The following KIR2DL1 variants were observed in gnomAD, a reference collection of about 807,000 sequenced individuals.
KIR2DL1 encodes killer cell immunoglobulin like receptor, two Ig domains and long cytoplasmic tail 1.
A neutral mutation model predicts 33.9 loss-of-function variants in KIR2DL1; 38 were observed. The observed-to-expected ratio is 1.12, with a 90% CI of 0.86 to 1.47. KIR2DL1 has a LOEUF of 1.47. KIR2DL1 is among the 40% of genes most tolerant of loss of function. The pLI, the probability that KIR2DL1 is intolerant of heterozygous loss-of-function variation, is 0.00. For synonymous variants in KIR2DL1, 179 were observed against 165.9 expected (o/e 1.08, Z -0.61); for missense variants, 531 against 433.9 (o/e 1.22, Z -1.99).
Position 54,777,269 on chromosome 19 carries a change from T to G in KIR2DL1, c.665-1343T>G, listed in dbSNP as rs528299472. Among the ~76,000 whole-genome samples the G allele has an allele frequency of 2.2e-3, 330 of 149,016 alleles. 1 individual carries two copies. The highest frequency in any genetic ancestry group is 3.6e-3 in the Non-Finnish European group (237 of 66,662). On this transcript the variant is annotated intron_variant, in intron 4 of 7. Coordinates refer to ENST00000336077, the MANE Select transcript of KIR2DL1 (RefSeq NM_014218.3). ...CCACGCCCTACTAATTTTTGTATTT[T>G]TAGTAGAGACAGCGTTTCTCTATGT...
At position 54,783,793 on chromosome 19, in the gene KIR2DL1, A is replaced by G. The variant is rs1358374441; in HGVS notation, c.1027A>G (p.Lys343Glu). Residue 343 changes from lysine (K) to glutamate (E), a missense_variant, in exon 8 of 8, where the codon AAA becomes GAA. By Grantham distance (56) the Lys-to-Glu change is moderately conservative. Transcript: ENST00000336077. ...ACTTCCAAATGCTGAGTCCAGATCC[A>G]AAGTTGTCTCCTGCCCATGAGCACC... ...TELPNAESRS[K>E]VVSCP is the part of the protein sequence containing the mutation. 1.2e-5 allele frequency: 19 copies of G among 1,613,884 alleles called. No individual in the cohort carries two copies. Among genetic ancestry groups the G allele is most frequent in the Middle Eastern group, 1.6e-4 (1 of 6,084 alleles).
At chr19:54,777,919 G>T (rs1190968066) in intron 4 of KIR2DL1, among the ~76,000 whole-genome samples, 1 of 148,084 alleles carries the variant, frequency 6.8e-6, no homozygotes, top group African/African-American at 2.5e-5. Context: ...ACTGTTTATT[G>T]AAAAGACTGT....
rs1198410917 is a variant in KIR2DL1, at chr19:54,775,367, C to T, written c.573C>T (p.Thr191=). 1.3e-6 allele frequency: 2 copies of T among 1,583,220 alleles called. No homozygotes were observed. The highest frequency in any genetic ancestry group is 1.4e-5 in the African/African-American group (1 of 73,810). Residue 191 remains threonine (T), a synonymous_variant, in exon 4 of 8, where the codon ACC becomes ACT. Transcript: ENST00000336077. The part of the protein sequence containing the change: ...FQADFPLGPA[T]HGGTYRCFGS... Reference sequence around the variant, plus strand: ...CTGACTTTCCTCTGGGCCCTGCCACCCACGGAGGGACCTACAGATGCTTCG... The same window carrying T: ...CTGACTTTCCTCTGGGCCCTGCCACTCACGGAGGGACCTACAGATGCTTCG...
intron 2 of KIR2DL1, 71 bp downstream of exon 2, chr19:54,770,955 T>G: frequency 1.3e-6 from 2 of 1,549,238 alleles, no homozygotes; most frequent in South Asian, 2.2e-5. Context: ...GGGAGGGAAG[T>G]CCTGTCAGGG....
Position 54,774,530 on chromosome 19 carries a change from A to G in KIR2DL1, c.371-635A>G, listed in dbSNP as rs1360850586. 3.0e-4 allele frequency among the ~76,000 whole-genome samples: 44 copies of G among 148,496 alleles called. 2 individuals carry two copies. The highest frequency in any genetic ancestry group is 8.8e-4 in the African/African-American group (36 of 40,778). ...ATAGATGGATAGATATAGATAGATGATAAATAGGTAGATGATAGATAATAG... is the reference window on the plus strand; with the variant it reads ...ATAGATGGATAGATATAGATAGATGGTAAATAGGTAGATGATAGATAATAG... On this transcript the variant is annotated intron_variant, in intron 3 of 7. Transcript: ENST00000336077.
intron 5 of KIR2DL1, among the ~76,000 whole-genome samples, chr19:54,782,528 A>T (rs2077104071): frequency 6.6e-6 from 1 of 151,898 alleles, no homozygotes; most frequent in Non-Finnish European, 1.5e-5. Flanking sequence ...TGGAGCTTCC[A>T]AGCTCTTTTT....
At position 54,783,510 on chromosome 19, in the gene KIR2DL1, C is replaced by T; in HGVS notation, c.842C>T (p.Ser281Phe). The change falls in exon 7 of 8, where the codon TCT becomes TTT. Residue 281 changes from serine (S) to phenylalanine (F), a missense_variant. Coordinates refer to ENST00000336077, the MANE Select transcript of KIR2DL1 (RefSeq NM_014218.3). The part of the protein sequence containing the change: ...KKNAAVMDQE[S>F]AGNRTANSED... ...GATGCTGCGGTAATGGACCAAGAGT[C>T]TGCAGGAAACAGAACAGCGAATAGC... is the stretch of plus-strand genomic sequence containing the variant. 1 of 1,613,640 alleles carries T rather than the reference C, an allele frequency of 6.2e-7. No individual in the cohort carries two copies. The highest frequency in any genetic ancestry group is 8.5e-7 in the Non-Finnish European group (1 of 1,179,798).
chr19:54,783,877 T>C lies in KIR2DL1; in HGVS notation c.*64T>C. 1.2e-6 allele frequency: 2 copies of C among 1,609,006 alleles called. No individual in the cohort carries two copies. Among genetic ancestry groups the C allele is most frequent in the Non-Finnish European group, 1.7e-6 (2 of 1,175,554 alleles). Reference sequence around the variant, plus strand: ...CAACAGCCCTGTCTCAAAACCGGGTTGCCAGCTCCCATGTACCAGCAGCTG... The same window carrying C: ...CAACAGCCCTGTCTCAAAACCGGGTCGCCAGCTCCCATGTACCAGCAGCTG... On this transcript the variant is annotated 3_prime_UTR_variant, in exon 8 of 8. Transcript: ENST00000336077.
At chr19:54,769,911 G>T (rs1392917777) in intron 1 of KIR2DL1, 27 bp downstream of exon 1, 4 of 1,556,982 alleles carry the variant, frequency 2.6e-6, no homozygotes, top group Non-Finnish European at 3.5e-6. Flanking sequence ...AATAGAGGGA[G>T]GGAGTGAGGG....
rs1277962431 is a variant in KIR2DL1, at chr19:54,778,803, G to A, written c.715+141G>A. 55 of 1,127,256 alleles carry A rather than the reference G, an allele frequency of 4.9e-5. 2 individuals are homozygous for A. Among genetic ancestry groups the A allele is most frequent in the African/African-American group, 2.2e-4 (14 of 63,382 alleles). 69.8% of individuals were successfully genotyped at this position (1,127,256 alleles called of 1,614,324 possible). ...TCTCCGAACTCCAGATACTCCTACA[G>A]CGAAAGGGATCTGGGCCCAACACAG... On this transcript the variant is annotated intron_variant, in intron 5 of 7. Coordinates refer to ENST00000336077, the MANE Select transcript of KIR2DL1 (RefSeq NM_014218.3).
intron 2 of KIR2DL1, 149 bp from the exon 3 acceptor site, chr19:54,773,184 C>G (rs1184876320): frequency 2.0e-6 from 2 of 991,904 alleles, no homozygotes; most frequent in African/African-American, 1.7e-5. Flanking sequence ...GGACCTGCAC[C>G]AGGAGTTATG....
intron 5 of KIR2DL1, among the ~76,000 whole-genome samples, chr19:54,781,842 T>C (rs2076991844): frequency 6.6e-6 from 1 of 152,142 alleles, no homozygotes; most frequent in Admixed American, 6.5e-5. Context: ...GATTCAAGAA[T>C]GCTGTGGATG....
chr19:54,775,054 G>C lies in KIR2DL1; in HGVS notation c.371-111G>C, dbSNP rs563251830. On this transcript the variant is annotated intron_variant, in intron 3 of 7. Transcript: ENST00000336077. ...GAGCGATGGGGTAGAGGGTGAGAGA[G>C]AGAGAGAGAGAGCATTAGGTCATAG... is the stretch of plus-strand genomic sequence containing the variant. The C allele has an allele frequency of 9.2e-5, 123 of 1,342,144 alleles. 3 individuals are homozygous for C. The highest frequency in any genetic ancestry group is 1.2e-4 in the Non-Finnish European group (117 of 983,896). The allele number at this position is 1,342,144 out of a possible 1,614,324, so 83.1% of individuals were successfully genotyped here.
At chr19:54,779,719 T>A (rs1401807775) in intron 5 of KIR2DL1, among the ~76,000 whole-genome samples, 2 of 149,152 alleles carry the variant, frequency 1.3e-5, no homozygotes, top group African/African-American at 4.9e-5. Flanking sequence ...GACAGGGACA[T>A]TTTGGGGTGG....
chr19:54,780,737 C>T (rs2076845879), intron 5 of KIR2DL1, among the ~76,000 whole-genome samples: 1 of 139,612 alleles, frequency 7.2e-6, no homozygotes, highest in African/African-American at 2.6e-5. Flanking sequence ...ACTGGAAAGG[C>T]TTACTGGGTT....
Position 54,782,737 on chromosome 19 carries a change from G to A in KIR2DL1, c.716-185G>A, listed in dbSNP as rs553570082. The stretch of plus-strand genomic sequence containing the variant: ...CTCAACTAAAGTAGTCGTATCCTCA[G>A]CACGTTCTATGGTTACTATGAGAGC... On this transcript the variant is annotated intron_variant, in intron 5 of 7. Coordinates refer to ENST00000336077, the MANE Select transcript of KIR2DL1 (RefSeq NM_014218.3). Among the ~76,000 whole-genome samples, 708 of 151,874 alleles carry A rather than the reference G, an allele frequency of 4.7e-3. 4 individuals carry two copies. Among genetic ancestry groups the A allele is most frequent in the African/African-American group, 0.016 (672 of 41,384 alleles).
intron 5 of KIR2DL1, chr19:54,780,271 T>A (rs1327492118): frequency 2.3e-6 from 1 of 438,758 alleles, no homozygotes; most frequent in Admixed American, 4.1e-5. Flanking sequence ...GTCTCACTAT[T>A]CAGATATTTG....
In KIR2DL1 at chr19:54,783,534, G is replaced by A. The variant is rs148066684; in HGVS notation, c.866G>A (p.Ser289Asn). ...TCTGCAGGAAACAGAACAGCGAATAGCGAGGTAGGTACTCCTCGGCCCGGG... is the reference window on the plus strand; with the variant it reads ...TCTGCAGGAAACAGAACAGCGAATAACGAGGTAGGTACTCCTCGGCCCGGG... Reference protein sequence around the residue: ...QESAGNRTANSEDSDEQDPQE... With the variant: ...QESAGNRTANNEDSDEQDPQE... Residue 289 changes from serine to asparagine, a missense_variant, in exon 7 of 8, where the codon AGC (serine) becomes AAC (asparagine). Ser to Asn is a conservative substitution (Grantham distance 46). Transcript: ENST00000336077. 3.7e-6 allele frequency: 6 copies of A among 1,613,780 alleles called. No homozygotes were observed. Among genetic ancestry groups the A allele is most frequent in the Non-Finnish European group, 5.1e-6 (6 of 1,179,888 alleles).
At chr19:54,773,660 T>G in intron 3 of KIR2DL1, 28 bp downstream of exon 3, 1 of 1,548,748 alleles carries the variant, frequency 6.5e-7, no homozygotes, top group East Asian at 2.3e-5. Context: ...TTCTTCTCAT[T>G]GTCATTGGGA....
Sources: allele counts gnomAD v4.1 joint callset (sites outside exome capture counted in the v4.1 genomes callset), GRCh38; gene constraint gnomAD v4.1.1; transcripts MANE v1.5; gene names NCBI Gene and HGNC (gene_info 2026-07-23, HGNC 2026-07-21).